FILIP1L: variants seen among roughly 807,000 people sequenced by gnomAD.
FILIP1L encodes the protein filamin A interacting protein 1 like.
A neutral mutation model predicts 96.6 loss-of-function variants in FILIP1L; 55 were observed. The ratio of observed to expected loss-of-function variants is 0.57; its 90% CI spans 0.46 to 0.71. FILIP1L has a LOEUF of 0.71. Among genes scored for constraint, FILIP1L ranks in the 30% least tolerant of loss-of-function variants. FILIP1L has a pLI of 0.00. For synonymous variants in FILIP1L, 467 were observed against 473.9 expected, an observed-to-expected ratio of 0.99 and a Z score of 0.19; for missense variants, 1,304 against 1,321.2, an observed-to-expected ratio of 0.99 and a Z score of 0.20.
chr3:100,102,167 C>G (rs147147526), intron 1 of FILIP1L, among the ~76,000 whole-genome samples: 2,822 of 152,306 alleles, frequency 0.019, 35 homozygotes, highest in Non-Finnish European at 0.03. Flanking sequence ...AATGGTATTT[C>G]TAGTTCTAGA....
intron 1 of FILIP1L, among the ~76,000 whole-genome samples, chr3:100,105,020 A>T (rs1576067229): frequency 6.6e-6 from 1 of 152,214 alleles, no homozygotes; most frequent in Non-Finnish European, 1.5e-5. Flanking sequence ...TGATTTATGT[A>T]TATAAGAATC....
chr3:100,070,923 G>A (rs891153992), intron 1 of FILIP1L, among the ~76,000 whole-genome samples: 7 of 152,096 alleles, frequency 4.6e-5, no homozygotes, highest in Admixed American at 3.9e-4. Flanking sequence ...GAGTCACCGC[G>A]CCTGGCCTGT....
chr3:99,911,968 T>C (rs1186588152), intron 4 of FILIP1L, among the ~76,000 whole-genome samples: 3 of 152,220 alleles, frequency 2.0e-5, no homozygotes, highest in Non-Finnish European at 4.4e-5. Flanking sequence ...AATCATTTGC[T>C]TTCAGTTCCA....
chr3:100,110,357 AG>A (rs1368857288), intron 1 of FILIP1L, among the ~76,000 whole-genome samples: 2 of 152,036 alleles, frequency 1.3e-5, no homozygotes, highest in Non-Finnish European at 2.9e-5. Flanking sequence ...TTTTTGTTTC[AG>A]GGTCAGGAGC....
chr3:100,111,524 G>C (rs1468097455), intron 1 of FILIP1L, among the ~76,000 whole-genome samples: 1 of 152,116 alleles, frequency 6.6e-6, no homozygotes, highest in Non-Finnish European at 1.5e-5. Flanking sequence ...ACACCTTGTA[G>C]GTATAAATGA....
At chr3:99,951,144 T>C (rs1451955388) in intron 1 of FILIP1L, among the ~76,000 whole-genome samples, 1 of 152,214 alleles carries the variant, frequency 6.6e-6, no homozygotes, top group African/African-American at 2.4e-5. Context: ...TGCTCACTGC[T>C]TGGGCCTCTT....
intron 1 of FILIP1L, among the ~76,000 whole-genome samples, chr3:100,053,950 C>A (rs2065418539): frequency 6.6e-6 from 1 of 152,188 alleles, no homozygotes; most frequent in African/African-American, 2.4e-5. Flanking sequence ...GACTCTGGCC[C>A]ACACTTCTTC....
intron 4 of FILIP1L, chr3:99,876,163 C>T: frequency 1.0e-6 from 1 of 985,678 alleles, no homozygotes; most frequent in Non-Finnish European, 1.2e-6. Flanking sequence ...CGAGAGTCGC[C>T]CGAACAATGC....
At chr3:99,998,376 G>A (rs896968149) in intron 1 of FILIP1L, among the ~76,000 whole-genome samples, 4 of 152,112 alleles carry the variant, frequency 2.6e-5, no homozygotes, top group African/African-American at 4.8e-5. Context: ...AACCCATCTT[G>A]CATGTGTTTA....
At chr3:99,975,760 T>C (rs1216205754) in intron 1 of FILIP1L, among the ~76,000 whole-genome samples, 1 of 152,246 alleles carries the variant, frequency 6.6e-6, no homozygotes, top group East Asian at 1.9e-4. Flanking sequence ...GTCATTCTAA[T>C]AGTGACATTC....
At chr3:100,053,388 C>T (rs2065406500) in intron 1 of FILIP1L, among the ~76,000 whole-genome samples, 1 of 152,208 alleles carries the variant, frequency 6.6e-6, no homozygotes, top group African/African-American at 2.4e-5. Context: ...TGCTTGCCAA[C>T]AGTCCTTGGC....
intron 1 of FILIP1L, among the ~76,000 whole-genome samples, chr3:100,036,874 A>G (rs984792537): frequency 2.0e-5 from 3 of 152,220 alleles, no homozygotes; most frequent in African/African-American, 7.2e-5. Context: ...AGTGAGAAAG[A>G]TACGTTATTT....
intron 4 of FILIP1L, among the ~76,000 whole-genome samples, chr3:99,900,625 C>T (rs1706404544): frequency 6.6e-6 from 1 of 152,186 alleles, no homozygotes; most frequent in South Asian, 2.1e-4. Flanking sequence ...TCTTCACACA[C>T]TTAATATTCA....
intron 5 of FILIP1L, chr3:99,833,026 A>G: frequency 3.6e-6 from 2 of 557,252 alleles, no homozygotes; most frequent in African/African-American, 3.9e-5. Context: ...AGAGAAATAC[A>G]TGCATATGGC....
At chr3:99,936,494 G>T (rs1365977667) in intron 1 of FILIP1L, among the ~76,000 whole-genome samples, 2 of 140,476 alleles carry the variant, frequency 1.4e-5, no homozygotes, top group African/African-American at 5.4e-5. Context: ...TCCTGCCTCA[G>T]CCTCCCAAGT....
chr3:99,934,682 C>CA (rs1442467193), intron 1 of FILIP1L, among the ~76,000 whole-genome samples: 32 of 152,146 alleles, frequency 2.1e-4, no homozygotes, highest in Admixed American at 1.0e-3. Flanking sequence ...CCCTGAGCTG[C>CA]AACAGAAGAC....
chr3:99,943,491 G>A (rs1039250636), intron 1 of FILIP1L, among the ~76,000 whole-genome samples: 6 of 152,248 alleles, frequency 3.9e-5, no homozygotes, highest in African/African-American at 1.4e-4. Context: ...ATCATCTGAG[G>A]TCAGGAGTTT....
chr3:99,913,622 A>G lies in FILIP1L; in HGVS notation c.605+10608T>C, dbSNP rs371851039. ...AAAAGAATAGAAAAAGTATTGTATG[A>G]TCTTCATGAATTGCTGATATATGCT... is the stretch of plus-strand genomic sequence containing the variant. On this transcript the variant is annotated intron_variant, in intron 4 of 5. Transcript: ENST00000477258. Among the ~76,000 whole-genome samples, 7 of 152,346 alleles carry G rather than the reference A, an allele frequency of 4.6e-5. No homozygotes were observed. The South Asian group carries it at 1.4e-3, about 32-fold the overall frequency.
intron 1 of FILIP1L, among the ~76,000 whole-genome samples, chr3:99,957,467 G>T (rs1193380213): frequency 2.6e-5 from 4 of 152,024 alleles, no homozygotes; most frequent in Non-Finnish European, 5.9e-5. Flanking sequence ...TATATATAGA[G>T]AGAGAGACAT....
Sources: gnomAD v4.1 joint callset for allele counts (sites outside exome capture counted in the v4.1 genomes callset) on GRCh38, gnomAD v4.1.1 for gene constraint, MANE v1.5 for transcripts, NCBI Gene and HGNC (gene_info 2026-07-23, HGNC 2026-07-21) for gene names.